The following RNF13 variants were observed in gnomAD, a reference collection of about 807,000 sequenced individuals.
RNF13 encodes the protein E3 ubiquitin-protein ligase RNF13.
A neutral mutation model predicts 37.7 loss-of-function variants in RNF13; 19 were observed. The observed-to-expected ratio is 0.50, with a 90% CI of 0.35 to 0.74. The LOEUF is 0.74. Among genes scored for constraint, RNF13 ranks in the 30% least tolerant of loss-of-function variants. The pLI is 0.01. For missense variants in RNF13, 375 were observed against 453.0 expected, an observed-to-expected ratio of 0.83 and a Z score of 1.56; for synonymous variants, 144 against 157.8, an observed-to-expected ratio of 0.91 and a Z score of 0.65.
At chr3:149,852,656 G>T in intron 3 of RNF13, 60 bp downstream of exon 3, 1 of 762,082 alleles carries the variant, frequency 1.3e-6, no homozygotes. Context: ...GATTTTTATT[G>T]TTTATTATTT....
chr3:149,880,587 T>C (rs890995905), intron 4 of RNF13, among the ~76,000 whole-genome samples: 1 of 152,158 alleles, frequency 6.6e-6, no homozygotes, highest in African/African-American at 2.4e-5. Flanking sequence ...ATAAAGGTTA[T>C]TCAGATTTTC....
chr3:149,865,825 G>A (rs905200451), intron 3 of RNF13, among the ~76,000 whole-genome samples: 3 of 152,066 alleles, frequency 2.0e-5, no homozygotes, highest in Admixed American at 1.3e-4. Flanking sequence ...TTACAGGAAA[G>A]GGGTCCCGAT....
intron 8 of RNF13, among the ~76,000 whole-genome samples, chr3:149,958,957 C>T (rs1373724825): frequency 6.6e-6 from 1 of 152,134 alleles, no homozygotes; most frequent in Non-Finnish European, 1.5e-5. Flanking sequence ...ATGACTAGGA[C>T]ATTAAAGGGA....
intron 5 of RNF13, among the ~76,000 whole-genome samples, chr3:149,896,999 TTAAG>T (rs1715338770): frequency 6.6e-6 from 1 of 152,228 alleles, no homozygotes; most frequent in Non-Finnish European, 1.5e-5. Context: ...CAGGACTTAC[TTAAG>T]TGAGTTTACT....
At chr3:149,857,847 A>G (rs1479149769) in intron 3 of RNF13, among the ~76,000 whole-genome samples, 2 of 152,126 alleles carry the variant, frequency 1.3e-5, no homozygotes, top group East Asian at 3.9e-4. Context: ...AGTAGTTACT[A>G]TGGTTTGGAT....
intron 1 of RNF13, among the ~76,000 whole-genome samples, chr3:149,827,247 A>G (rs1330197942): frequency 1.3e-5 from 2 of 152,160 alleles, no homozygotes; most frequent in African/African-American, 4.8e-5. Context: ...TATTATAACT[A>G]ATCTAGAGAT....
At chr3:149,931,557 A>T (rs1365951217) in intron 8 of RNF13, among the ~76,000 whole-genome samples, 1 of 152,014 alleles carries the variant, frequency 6.6e-6, no homozygotes, top group Admixed American at 6.5e-5. Context: ...GCATTTTACA[A>T]TTTTTTATTG....
At chr3:149,910,172 C>T (rs1201425366) in intron 6 of RNF13, among the ~76,000 whole-genome samples, 1 of 152,128 alleles carries the variant, frequency 6.6e-6, no homozygotes, top group East Asian at 1.9e-4. Context: ...AGGGCAGTTT[C>T]AGAGGGTATG....
At chr3:149,888,183 A>G (rs1714263882) in intron 4 of RNF13, among the ~76,000 whole-genome samples, 1 of 152,188 alleles carries the variant, frequency 6.6e-6, no homozygotes, top group African/African-American at 2.4e-5. Context: ...TAGTAATAAA[A>G]TTATGACTTG....
At chr3:149,844,387 T>G (rs1490142369) in intron 1 of RNF13, among the ~76,000 whole-genome samples, 1 of 152,184 alleles carries the variant, frequency 6.6e-6, no homozygotes, top group Non-Finnish European at 1.5e-5. Context: ...TCAAGCAAGT[T>G]GTGACAACAC....
chr3:149,834,095 T>C (rs1721344560), intron 1 of RNF13, among the ~76,000 whole-genome samples: 1 of 152,198 alleles, frequency 6.6e-6, no homozygotes, highest in Non-Finnish European at 1.5e-5. Context: ...ATTGTAAGAC[T>C]TTGCTGAAAT....
chr3:149,954,705 A>C (rs1249949594), intron 8 of RNF13, among the ~76,000 whole-genome samples: 1 of 152,160 alleles, frequency 6.6e-6, no homozygotes, highest in African/African-American at 2.4e-5. Flanking sequence ...TCTTTCAGAA[A>C]TGTTCATGCT....
chr3:149,960,696 C>A, intron 9 of RNF13, 44 bp from the exon 10 acceptor site: 6 of 1,534,438 alleles, frequency 3.9e-6, no homozygotes, highest in Non-Finnish European at 5.3e-6. Context: ...ATAAAAGTAT[C>A]AACCGCAGCA....
In RNF13 at chr3:149,872,038, A is replaced by G; in HGVS notation, c.205A>G (p.Ile69Val). ...LPAEGLKGFL[I>V]NSKPENACEP... ...ACCAATTCTTTTTCAGGGTTTTTTG[A>G]TTAACTCAAAACCAGAGAATGCCTG... is the stretch of plus-strand genomic sequence containing the variant. Residue 69 changes from isoleucine (I) to valine (V), a missense_variant, in exon 4 of 10, where the codon ATT (isoleucine) becomes GTT (valine). Coordinates refer to ENST00000392894, the MANE Select transcript of RNF13 (RefSeq NM_183381.3). The G allele has an allele frequency of 2.5e-6, 4 of 1,586,788 alleles. No homozygotes were observed. The highest frequency in any genetic ancestry group is 3.4e-6 in the Non-Finnish European group (4 of 1,172,660).
chr3:149,843,822 C>T (rs921087186), intron 1 of RNF13, among the ~76,000 whole-genome samples: 2 of 152,318 alleles, frequency 1.3e-5, no homozygotes, highest in South Asian at 4.1e-4. Context: ...CTTAACAGTT[C>T]TTAAGTCTTC....
chr3:149,914,196 T>C (rs1717269065), intron 7 of RNF13, among the ~76,000 whole-genome samples: 1 of 152,126 alleles, frequency 6.6e-6, no homozygotes, highest in African/African-American at 2.4e-5. Context: ...TTTTTTTTAT[T>C]ATTAAGCACT....
intron 1 of RNF13, among the ~76,000 whole-genome samples, chr3:149,822,233 G>A (rs562131877): frequency 6.6e-6 from 1 of 152,198 alleles, no homozygotes; most frequent in South Asian, 2.1e-4. Flanking sequence ...ATTGCTTTGG[G>A]TAGTATTGCC....
At chr3:149,929,733 A>T (rs1159764873) in intron 8 of RNF13, among the ~76,000 whole-genome samples, 1 of 152,068 alleles carries the variant, frequency 6.6e-6, no homozygotes, top group Non-Finnish European at 1.5e-5. Context: ...ATATAGGTTC[A>T]TTTTTTTGGC....
At chr3:149,831,343 T>C (rs1721026284) in intron 1 of RNF13, among the ~76,000 whole-genome samples, 1 of 152,170 alleles carries the variant, frequency 6.6e-6, no homozygotes, top group Non-Finnish European at 1.5e-5. Context: ...CCTGCAAAGC[T>C]ACAGGAGCAG....
Sources: gnomAD v4.1 joint callset for allele counts (sites outside exome capture counted in the v4.1 genomes callset) on GRCh38, gnomAD v4.1.1 for gene constraint, MANE v1.5 for transcripts, NCBI Gene and HGNC (gene_info 2026-07-23, HGNC 2026-07-21) for gene names.